EBNA1BP2: variants seen among roughly 807,000 people sequenced by gnomAD.
The protein encoded by EBNA1BP2 is EBNA1 binding protein 2, also known as probable rRNA-processing protein EBP2.
A neutral mutation model predicts 43.5 loss-of-function variants in EBNA1BP2; 36 were observed. The observed-to-expected ratio is 0.83, with a 90% CI of 0.63 to 1.09. The LOEUF is 1.09. Ranked by LOEUF, EBNA1BP2 falls within the 50% of genes least tolerant of loss-of-function variation. The pLI, the probability that EBNA1BP2 is intolerant of heterozygous loss-of-function variation, is 0.00. For synonymous variants in EBNA1BP2, 127 were observed against 141.3 expected (o/e 0.90, Z 0.72); for missense variants, 332 against 379.1 (o/e 0.88, Z 1.03).
At chr1:43,170,929 C>G in intron 3 of EBNA1BP2, 50 bp from the exon 4 acceptor site, 1 of 1,487,080 alleles carries the variant, frequency 6.7e-7, no homozygotes, top group Non-Finnish European at 8.9e-7. Context: ...GGAGGCCTTA[C>G]GTTCCTTTTC....
At chr1:43,172,363 C>G, upstream of EBNA1BP2, 1 of 1,551,600 alleles carries the variant, frequency 6.4e-7, no homozygotes, top group Non-Finnish European at 8.7e-7. Flanking sequence ...GGAACCGCTA[C>G]GGCGTTTGAA....
Position 43,172,279 on chromosome 1 carries a change from C to T in EBNA1BP2, c.-161G>A. ...GAATCGCTCCAGCGCCAGCAACTCACAGCTACTGCTCAACTTTTGATTGGG... is the reference window on the plus strand; with the variant it reads ...GAATCGCTCCAGCGCCAGCAACTCATAGCTACTGCTCAACTTTTGATTGGG... On this transcript the variant is annotated 5_prime_UTR_variant, in exon 1 of 9. It adds an upstream start codon to the 5' untranslated region. Transcript: ENST00000236051. The T allele has an allele frequency of 1.3e-6, 2 of 1,552,704 alleles. No homozygotes were observed. The highest frequency in any genetic ancestry group is 1.4e-5 in the African/African-American group (1 of 73,214).
intron 6 of EBNA1BP2, 83 bp downstream of exon 6, chr1:43,167,077 C>T: frequency 6.5e-7 from 1 of 1,533,598 alleles, no homozygotes; most frequent in Non-Finnish European, 9.0e-7. Context: ...TCCACATCAA[C>T]CAAGAAGGCT....
At chr1:43,164,903 C>T (rs922376152) in intron 7 of EBNA1BP2, 98 bp from the exon 8 acceptor site, 31 of 1,460,878 alleles carry the variant, frequency 2.1e-5, no homozygotes, top group Non-Finnish European at 2.7e-5. Context: ...TAAGCAAAGC[C>T]CCTTAGGCAC....
intron 7 of EBNA1BP2, among the ~76,000 whole-genome samples, chr1:43,166,587 G>C (rs906973869): frequency 2.0e-5 from 3 of 151,974 alleles, no homozygotes; most frequent in African/African-American, 7.3e-5. Context: ...TAGCCTGAGT[G>C]ACAGAATGAG....
At chr1:43,171,821 C>T (rs1644978079) in intron 2 of EBNA1BP2, 65 bp downstream of exon 2, 1 of 1,596,286 alleles carries the variant, frequency 6.3e-7, no homozygotes, top group Non-Finnish European at 8.6e-7. Context: ...ATCGGTCTCC[C>T]AAGCCCAACA....
At chr1:43,167,047 CA>C (rs1309560359) in intron 6 of EBNA1BP2, 112 bp downstream of exon 6, 1 of 1,493,962 alleles carries the variant, frequency 6.7e-7, no homozygotes, top group East Asian at 2.3e-5. Context: ...ACACCATTCC[CA>C]AAACTTTGAT....
At position 43,167,253 on chromosome 1, in the gene EBNA1BP2, G is replaced by A. The variant is rs781658985; in HGVS notation, c.538-18C>T. 7.6e-5 allele frequency: 123 copies of A among 1,612,812 alleles called. No homozygotes were observed. Among genetic ancestry groups the A allele is most frequent in the Non-Finnish European group, 1.0e-4 (120 of 1,179,072 alleles). On this transcript the variant is annotated intron_variant, in intron 5 of 8. Coordinates refer to ENST00000236051, the MANE Select transcript of EBNA1BP2 (RefSeq NM_006824.3). The stretch of plus-strand genomic sequence containing the variant: ...GTTTGCACCTGTGATATGAACACAA[G>A]GACCGTTACAGCCATTCCATACCAT...
Position 43,166,897 on chromosome 1 carries a change from G to A in EBNA1BP2, c.636C>T (p.Phe212=). The stretch of plus-strand genomic sequence containing the variant: ...CCAGAGGTTTCTGATCTCCCTCAAG[G>A]AAATCCAGTTTATCAGAGAAGCCTG... ...YQKGFSDKLD[F]LEGDQKPLAQ... The change falls in exon 7 of 9, where the codon TTC becomes TTT. Residue 212 remains phenylalanine (F), a synonymous_variant. Transcript: ENST00000236051. 1 of 1,612,894 alleles carries A rather than the reference G, an allele frequency of 6.2e-7. No individual in the cohort carries two copies. The highest frequency in any genetic ancestry group is 8.5e-7 in the Non-Finnish European group (1 of 1,179,708).
In EBNA1BP2 at chr1:43,166,809, G is replaced by A; in HGVS notation, c.707+17C>T. On this transcript the variant is annotated intron_variant, in intron 7 of 8. Coordinates refer to ENST00000236051, the MANE Select transcript of EBNA1BP2 (RefSeq NM_006824.3). ...CACCTCACAGAACCAAAGAAACCAT[G>A]CCAAAACCCTTCTCACCCCTTCCTC... The A allele has an allele frequency of 6.2e-7, 1 of 1,602,210 alleles. No individual in the cohort carries two copies. Among genetic ancestry groups the A allele is most frequent in the Admixed American group, 1.8e-5 (1 of 55,576 alleles).
At position 43,169,018 on chromosome 1, in the gene EBNA1BP2, T is replaced by G. The variant is rs185622401; in HGVS notation, c.458A>C (p.Lys153Thr). 37 of 1,614,128 alleles carry G rather than the reference T, an allele frequency of 2.3e-5. No individual in the cohort carries two copies. ...SDLQMQKIRQ[K>T]LQTKQAAMER... is the part of the protein sequence containing the mutation. Reference sequence around the variant, plus strand: ...CATGGCAGCCTGTTTAGTCTGCAGCTTCTGTCGAATCTACAACACAAAATG... The same window carrying G: ...CATGGCAGCCTGTTTAGTCTGCAGCGTCTGTCGAATCTACAACACAAAATG... The change falls in exon 5 of 9, where the codon AAG (lysine) becomes ACG (threonine). Residue 153 changes from lysine (K) to threonine (T), a missense_variant. By Grantham distance (78) the Lys-to-Thr change is moderately conservative (BLOSUM62 -1). Coordinates refer to ENST00000236051, the MANE Select transcript of EBNA1BP2 (RefSeq NM_006824.3).
At chr1:43,167,877 C>G (rs919038122) in intron 5 of EBNA1BP2, among the ~76,000 whole-genome samples, 2 of 152,084 alleles carry the variant, frequency 1.3e-5, no homozygotes, top group Non-Finnish European at 2.9e-5. Context: ...CCCCTGCCCT[C>G]TACCTACTAG....
At chr1:43,170,122 T>A (rs1226317890) in intron 4 of EBNA1BP2, among the ~76,000 whole-genome samples, 1 of 152,234 alleles carries the variant, frequency 6.6e-6, no homozygotes, top group African/African-American at 2.4e-5. Context: ...TTCTCATGGA[T>A]TCAATGTAGT....
chr1:43,166,979 C>A (rs766234291), intron 6 of EBNA1BP2, 60 bp from the exon 7 acceptor site: 16 of 1,572,730 alleles, frequency 1.0e-5, no homozygotes, highest in Non-Finnish European at 1.3e-5. Context: ...AAAGTTTAAA[C>A]CACCATATGA....
rs774033814 is a variant in EBNA1BP2, at chr1:43,171,476, T to C, written c.323+3A>G. On this transcript the variant is annotated splice_donor_region_variant and intron_variant, in intron 3 of 8. Transcript: ENST00000236051. ...CTTCTCCAACATTTGAAAACAAACATACAAACTCATCTCTCGCTGGAAGTC... is the reference window on the plus strand; with the variant it reads ...CTTCTCCAACATTTGAAAACAAACACACAAACTCATCTCTCGCTGGAAGTC... The C allele has an allele frequency of 5.6e-6, 9 of 1,605,436 alleles. No homozygotes were observed. Among genetic ancestry groups the C allele is most frequent in the East Asian group, 2.2e-5 (1 of 44,824 alleles).
At chr1:43,166,038 GC>G (rs993593143) in intron 7 of EBNA1BP2, among the ~76,000 whole-genome samples, 3 of 152,136 alleles carry the variant, frequency 2.0e-5, no homozygotes, top group South Asian at 2.1e-4. Context: ...TTTCCCCTAG[GC>G]CTGGTATCCA....
Position 43,171,489 on chromosome 1 carries a change from C to T in EBNA1BP2, c.313G>A (p.Glu105Lys). ...TGAAAACAAACATACAAACTCATCT[C>T]TCGCTGGAAGTCGTCTTCTGGATCA... ...AVDPEDDFQR[E>K]MSFYRQAQAA... The change falls in exon 3 of 9, where the codon GAG becomes AAG. Residue 105 changes from glutamate to lysine, a missense_variant. By Grantham distance (56) the Glu-to-Lys change is moderately conservative. Transcript: ENST00000236051. 3.7e-6 allele frequency: 6 copies of T among 1,609,278 alleles called. No individual in the cohort carries two copies. The highest frequency in any genetic ancestry group is 4.2e-6 in the Non-Finnish European group (5 of 1,178,148).
chr1:43,169,104 A>C (rs1644936575), intron 4 of EBNA1BP2, 76 bp from the exon 5 acceptor site: 8 of 1,443,724 alleles, frequency 5.5e-6, no homozygotes, highest in African/African-American at 1.4e-5. Context: ...TAGAGCAGGG[A>C]ACAGATATTC....
intron 4 of EBNA1BP2, among the ~76,000 whole-genome samples, chr1:43,169,714 C>T (rs1644942539): frequency 6.6e-6 from 1 of 152,164 alleles, no homozygotes; most frequent in South Asian, 2.1e-4. Context: ...AGTCAGAGGA[C>T]CTCAACTCCC....
Sources: allele counts gnomAD v4.1 joint callset (sites outside exome capture counted in the v4.1 genomes callset), GRCh38; gene constraint gnomAD v4.1.1; transcripts MANE v1.5; gene names NCBI Gene and HGNC (gene_info 2026-07-23, HGNC 2026-07-21).